Variants in NAALADL2 observed in about 807,000 individuals in gnomAD.
NAALADL2 encodes the protein N-acetylated alpha-linked acidic dipeptidase like 2.
Under a neutral mutation model 87.2 loss-of-function variants are expected in NAALADL2, and 76 were observed. The ratio of observed to expected loss-of-function variants is 0.87; its 90% CI spans 0.72 to 1.05. The LOEUF is 1.05. NAALADL2 is among the 50% of genes least tolerant of loss of function. The pLI is 0.00. For synonymous variants in NAALADL2, 354 were observed against 331.0 expected (o/e 1.07, Z -0.75); for missense variants, 1,089 against 945.8 (o/e 1.15, Z -1.99).
intron 1 of NAALADL2, among the ~76,000 whole-genome samples, chr3:174,445,354 T>G (rs1157469885): frequency 7.9e-5 from 12 of 152,128 alleles, no homozygotes; most frequent in African/African-American, 2.7e-4. Flanking sequence ...TATTTCATAA[T>G]TCATACAAAA....
rs112313253 is a variant in NAALADL2 at position 175,086,554 on chromosome 3, A to G, written c.44-10236A>G. Among the ~76,000 whole-genome samples, 1,072 of 152,316 alleles carry G rather than the reference A, an allele frequency of 7.0e-3. 21 individuals are homozygous for G. Among genetic ancestry groups the G allele is most frequent in the African/African-American group, 0.025 (1,029 of 41,586 alleles). On this transcript the variant is annotated intron_variant, in intron 1 of 13. Coordinates refer to ENST00000454872, the MANE Select transcript of NAALADL2 (RefSeq NM_207015.3). Reference sequence around the variant, plus strand: ...AATAAATGACTTTTCAAAGATGTCAATTATATAAAAGTTCTGTTAAATGTT... The same window carrying G: ...AATAAATGACTTTTCAAAGATGTCAGTTATATAAAAGTTCTGTTAAATGTT...
rs370528343 is a variant in NAALADL2 at position 175,121,538 on chromosome 3, C to A, written c.545+24247C>A. Among the ~76,000 whole-genome samples the A allele has an allele frequency of 4.0e-5, 6 of 151,778 alleles. No homozygotes were observed. In the East Asian group the frequency reaches 7.8e-4, roughly 20 times the overall value. On this transcript the variant is annotated intron_variant, in intron 2 of 13. Transcript: ENST00000454872. ...CTGAGGGTAAGAGAGCTGAGGAACA[C>A]CCCCTTTTATGAAGCTAACTGGAAA...
rs1576891838 is a variant in NAALADL2 at position 175,809,941 on chromosome 3, C to A, written c.*6738C>A. ...GGTAAAATTTGGAGGAAAATTTTTC[C>A]AAATAAATTTGCTTTGATTAAAAAC... On this transcript the variant is annotated 3_prime_UTR_variant, in exon 14 of 14. Transcript: ENST00000454872. 1 of 151,780 alleles carries A rather than the reference C, an allele frequency of 6.6e-6. No homozygotes were observed. The highest frequency in any genetic ancestry group is 6.6e-5 in the Admixed American group (1 of 15,200). 9.4% of individuals were successfully genotyped at this position (151,780 alleles called of 1,614,324 possible).
Position 174,986,637 on chromosome 3 carries a change from A to T in NAALADL2, c.44-110153A>T, listed in dbSNP as rs57102244. The stretch of plus-strand genomic sequence containing the variant: ...GGACAATCAAAGTTTGAGTATTATA[A>T]GGTGGCTCTCTAAAGTTTTCTGAGC... On this transcript the variant is annotated intron_variant, in intron 1 of 13. Coordinates refer to ENST00000454872, the MANE Select transcript of NAALADL2 (RefSeq NM_207015.3). 8.2e-3 allele frequency among the ~76,000 whole-genome samples: 1,254 copies of T among 152,238 alleles called. 20 individuals carry two copies. Among genetic ancestry groups the T allele is most frequent in the African/African-American group, 0.029 (1,189 of 41,548 alleles).
rs1014002840 is a variant in NAALADL2 at position 175,795,240 on chromosome 3, T to A, written c.2190-7765T>A. Among the ~76,000 whole-genome samples, 4 of 152,244 alleles carry A rather than the reference T, an allele frequency of 2.6e-5. 1 individual carries two copies. The highest frequency in any genetic ancestry group is 9.6e-5 in the African/African-American group (4 of 41,470). On this transcript the variant is annotated intron_variant, in intron 13 of 13. Coordinates refer to ENST00000454872, the MANE Select transcript of NAALADL2 (RefSeq NM_207015.3). ...TATGTGAAAATTCCATCTGTCACTCTGTGAACAGATTTTTAAACTTTTAAT... is the reference window on the plus strand; with the variant it reads ...TATGTGAAAATTCCATCTGTCACTCAGTGAACAGATTTTTAAACTTTTAAT...
At chr3:174,972,676 A>G (rs1466617650) in intron 1 of NAALADL2, among the ~76,000 whole-genome samples, 1 of 152,152 alleles carries the variant, frequency 6.6e-6, no homozygotes, top group Non-Finnish European at 1.5e-5. Flanking sequence ...AGTTCAATCT[A>G]TAACAAAGGG....
At chr3:175,281,113 A>T (rs1157107841) in intron 4 of NAALADL2, among the ~76,000 whole-genome samples, 2 of 83,970 alleles carry the variant, frequency 2.4e-5, no homozygotes, top group African/African-American at 9.4e-5. Context: ...ATTAAAACTT[A>T]AAAAAAATAT....
chr3:175,336,116 T>C (rs868196536), intron 5 of NAALADL2, among the ~76,000 whole-genome samples: 7 of 146,482 alleles, frequency 4.8e-5, no homozygotes, highest in Admixed American at 1.3e-4. Flanking sequence ...CCGAAAGCCT[T>C]TCTGAAGCTT....
At chr3:175,293,648 C>T (rs914390937) in intron 4 of NAALADL2, among the ~76,000 whole-genome samples, 2 of 152,046 alleles carry the variant, frequency 1.3e-5, no homozygotes, top group African/African-American at 2.4e-5. Context: ...GATCAATGCC[C>T]TTATTAAAGA....
chr3:175,642,599 C>T (rs1729447272), intron 11 of NAALADL2, among the ~76,000 whole-genome samples: 1 of 151,224 alleles, frequency 6.6e-6, no homozygotes, highest in Admixed American at 6.6e-5. Flanking sequence ...CTTCTGGGTT[C>T]ATGCCATTCT....
Position 175,117,943 on chromosome 3 carries a change from T to C in NAALADL2, c.545+20652T>C, listed in dbSNP as rs529284871. On this transcript the variant is annotated intron_variant, in intron 2 of 13. Coordinates refer to ENST00000454872, the MANE Select transcript of NAALADL2 (RefSeq NM_207015.3). ...TGGAATACTATGCAGCCATAAAAAA[T>C]GATGAGTTCATGTCCTTTGTAGGGA... Among the ~76,000 whole-genome samples the C allele has an allele frequency of 2.0e-5, 3 of 152,002 alleles. No homozygotes were observed. In the East Asian group the frequency reaches 5.8e-4, roughly 30 times the overall value.
intron 1 of NAALADL2, among the ~76,000 whole-genome samples, chr3:175,022,316 G>C (rs1311048276): frequency 2.0e-5 from 3 of 151,964 alleles, no homozygotes; most frequent in African/African-American, 7.2e-5. Context: ...ACTATTACGG[G>C]ATATTGCTGG....
At chr3:174,849,914 AAAGATAT>A (rs1211972920) in intron 3 of NAALADL2, among the ~76,000 whole-genome samples, 5 of 152,042 alleles carry the variant, frequency 3.3e-5, no homozygotes, top group Admixed American at 3.3e-4. Context: ...TCTTCCTACT[AAAGATAT>A]AAGTATTTTA....
chr3:175,479,144 T>A (rs976080875), intron 9 of NAALADL2, among the ~76,000 whole-genome samples: 4 of 136,204 alleles, frequency 2.9e-5, no homozygotes, highest in Non-Finnish European at 7.0e-5. Context: ...TTATAAATTG[T>A]GGATTCTTGG....
At chr3:175,690,381 C>G (rs374225328) in intron 11 of NAALADL2, among the ~76,000 whole-genome samples, 20 of 152,084 alleles carry the variant, frequency 1.3e-4, no homozygotes, top group African/African-American at 4.8e-4. Flanking sequence ...TGTAGTACAG[C>G]CACATGATGA....
intron 13 of NAALADL2, among the ~76,000 whole-genome samples, chr3:175,765,122 G>C (rs980964083): frequency 5.3e-5 from 8 of 151,866 alleles, no homozygotes; most frequent in African/African-American, 1.7e-4. Flanking sequence ...TTTTAATAGC[G>C]ACCACTTGCA....
At position 174,957,771 on chromosome 3, in the gene NAALADL2, A is replaced by G. The variant is rs191234486; in HGVS notation, c.43+98321A>G. The stretch of plus-strand genomic sequence containing the variant: ...GTTCATTCTACTGGCTGTTTTCAAG[A>G]GAATAAGATAGTTCAATGAATTGAA... On this transcript the variant is annotated intron_variant, in intron 1 of 13. Coordinates refer to ENST00000454872, the MANE Select transcript of NAALADL2 (RefSeq NM_207015.3). Among the ~76,000 whole-genome samples the G allele has an allele frequency of 8.4e-3, 1,276 of 152,048 alleles. 9 individuals carry two copies. Among genetic ancestry groups the G allele is most frequent in the Non-Finnish European group, 0.012 (838 of 67,930 alleles).
chr3:175,331,924 C>G (rs1007529108), intron 5 of NAALADL2, among the ~76,000 whole-genome samples: 1 of 152,104 alleles, frequency 6.6e-6, no homozygotes, highest in Non-Finnish European at 1.5e-5. Flanking sequence ...AATCAGCAGC[C>G]TTCCTGTAAA....
At chr3:174,609,735 C>T (rs1322583627) in intron 2 of NAALADL2, among the ~76,000 whole-genome samples, 4 of 152,146 alleles carry the variant, frequency 2.6e-5, no homozygotes, top group Non-Finnish European at 4.4e-5. Flanking sequence ...AATGGCCATA[C>T]TGCCCAAGGT....
Sources: allele counts gnomAD v4.1 joint callset (sites outside exome capture counted in the v4.1 genomes callset), GRCh38; gene constraint gnomAD v4.1.1; transcripts MANE v1.5; gene names NCBI Gene and HGNC (gene_info 2026-07-23, HGNC 2026-07-21).